FAM227B: variants seen among roughly 807,000 people sequenced by gnomAD.
FAM227B encodes family with sequence similarity 227 member B, also known as protein FAM227B.
FAM227B carries 88 observed loss-of-function variants against 73.8 expected under a neutral mutation model. The observed-to-expected ratio is 1.19, with a 90% CI of 1.00 to 1.42. The LOEUF is 1.42. Ranked by LOEUF, FAM227B falls within the 40% of genes most tolerant of loss-of-function variation. The probability of loss-of-function intolerance (pLI) is 0.00; values close to 1 mark genes in which losing one functional copy is unlikely to be tolerated. For synonymous variants in FAM227B, 210 were observed against 190.5 expected (o/e 1.10, Z -0.84); for missense variants, 632 against 590.9 (o/e 1.07, Z -0.72).
intron 11 of FAM227B, among the ~76,000 whole-genome samples, chr15:49,377,226 C>T (rs77408643): frequency 0.15 from 22,811 of 152,044 alleles, 2,210 homozygotes; most frequent in Non-Finnish European, 0.21. Context: ...GAATAGTACT[C>T]CATTGTGTAT....
intron 11 of FAM227B, among the ~76,000 whole-genome samples, chr15:49,416,380 G>C (rs537233972): frequency 6.6e-6 from 1 of 152,074 alleles, no homozygotes; most frequent in East Asian, 1.9e-4. Flanking sequence ...GAATGGGGTG[G>C]ACAGAAGAAA....
At chr15:49,518,554 G>A (rs2059547831) in intron 10 of FAM227B, among the ~76,000 whole-genome samples, 1 of 152,172 alleles carries the variant, frequency 6.6e-6, no homozygotes, top group African/African-American at 2.4e-5. Context: ...AGAAGGCAAA[G>A]GAGGAGCAAA....
chr15:49,335,170 G>T (rs1048205027), intron 14 of FAM227B, among the ~76,000 whole-genome samples: 1 of 152,090 alleles, frequency 6.6e-6, no homozygotes, highest in Non-Finnish European at 1.5e-5. Flanking sequence ...GCCTCTTCCT[G>T]TTGGGGTGCA....
At chr15:49,437,428 A>T (rs1034631110) in intron 11 of FAM227B, among the ~76,000 whole-genome samples, 2 of 151,606 alleles carry the variant, frequency 1.3e-5, no homozygotes, top group African/African-American at 2.4e-5. Context: ...TCCTTTTAGG[A>T]CTGCGCTCCA....
At chr15:49,392,479 G>A (rs932437623) in intron 11 of FAM227B, among the ~76,000 whole-genome samples, 2 of 152,138 alleles carry the variant, frequency 1.3e-5, no homozygotes, top group African/African-American at 2.4e-5. Flanking sequence ...AGATTTGCAT[G>A]GGTTCAAACA....
chr15:49,546,645 G>A (rs991672190), intron 9 of FAM227B, among the ~76,000 whole-genome samples: 5 of 152,112 alleles, frequency 3.3e-5, no homozygotes, highest in East Asian at 1.9e-4. Flanking sequence ...TTTAATGATC[G>A]CCATTCTAAC....
intron 3 of FAM227B, among the ~76,000 whole-genome samples, chr15:49,600,371 C>T (rs1263471460): frequency 1.3e-5 from 2 of 148,578 alleles, no homozygotes; most frequent in Non-Finnish European, 3.0e-5. Flanking sequence ...TTTTTAAATC[C>T]GGCCAGGCAT....
intron 3 of FAM227B, among the ~76,000 whole-genome samples, chr15:49,597,130 A>G (rs925716047): frequency 5.3e-5 from 8 of 152,064 alleles, no homozygotes; most frequent in Admixed American, 5.2e-4. Context: ...GACTTAACAG[A>G]TATTTACAGA....
At chr15:49,608,972 G>A (rs79558527) in intron 3 of FAM227B, among the ~76,000 whole-genome samples, 2,608 of 152,030 alleles carry the variant, frequency 0.017, 36 homozygotes, top group Middle Eastern at 0.037. Context: ...ACAGTAAAGA[G>A]AGATGAGACA....
chr15:49,448,399 C>A (rs2052415793), intron 11 of FAM227B, among the ~76,000 whole-genome samples: 1 of 151,318 alleles, frequency 6.6e-6, no homozygotes, highest in Non-Finnish European at 1.5e-5. Flanking sequence ...CTTTAACTAA[C>A]CACAATATAG....
intron 9 of FAM227B, among the ~76,000 whole-genome samples, chr15:49,543,936 C>T (rs1319228603): frequency 6.6e-6 from 1 of 152,018 alleles, no homozygotes; most frequent in African/African-American, 2.4e-5. Context: ...TAATGTGATG[C>T]CTCTAAATTT....
intron 11 of FAM227B, among the ~76,000 whole-genome samples, chr15:49,458,686 A>G (rs2053532848): frequency 6.6e-6 from 1 of 152,120 alleles, no homozygotes; most frequent in Non-Finnish European, 1.5e-5. Context: ...ACAAAACTCA[A>G]AATCAACTTC....
intron 11 of FAM227B, among the ~76,000 whole-genome samples, chr15:49,502,953 C>A (rs1347263006): frequency 1.3e-5 from 2 of 151,634 alleles, no homozygotes; most frequent in African/African-American, 2.4e-5. Context: ...GTGTGTGGCA[C>A]CCCGCATTGC....
intron 13 of FAM227B, among the ~76,000 whole-genome samples, chr15:49,337,535 T>TTA (rs1491063072): frequency 3.6e-5 from 5 of 139,530 alleles, no homozygotes; most frequent in African/African-American, 1.4e-4. Flanking sequence ...TTTTTTTTTT[T>TTA]AGTATTATAC....
rs148367588 is a variant in FAM227B, at chr15:49,541,056, A to G, written c.874+624T>C. On this transcript the variant is annotated intron_variant, in intron 10 of 15. Transcript: ENST00000299338. ...TTAGATTGAAATATTTACAAGAACT[A>G]TGTGAAAACAGTTAATAGCTTCTGG... Among the ~76,000 whole-genome samples the G allele has an allele frequency of 1.7e-3, 255 of 152,298 alleles. 5 individuals are homozygous for G. The East Asian group carries it at 0.045, about 27-fold the overall frequency.
intron 5 of FAM227B, among the ~76,000 whole-genome samples, chr15:49,578,083 T>C (rs1379772787): frequency 6.6e-6 from 1 of 152,202 alleles, no homozygotes; most frequent in Non-Finnish European, 1.5e-5. Context: ...AAATTAGTTA[T>C]GATGGAGGCC....
intron 13 of FAM227B, among the ~76,000 whole-genome samples, chr15:49,356,008 A>G (rs2151350535): frequency 6.6e-6 from 1 of 152,082 alleles, no homozygotes; most frequent in East Asian, 1.9e-4. Context: ...TAAGTGAAGG[A>G]GAAATAAAAT....
At chr15:49,471,401 T>A (rs2054737452) in intron 11 of FAM227B, among the ~76,000 whole-genome samples, 1 of 151,500 alleles carries the variant, frequency 6.6e-6, no homozygotes, top group Non-Finnish European at 1.5e-5. Context: ...GAGAATTGCT[T>A]GAACCTGAGA....
intron 11 of FAM227B, among the ~76,000 whole-genome samples, chr15:49,376,813 C>G (rs190686351): frequency 6.6e-6 from 1 of 151,996 alleles, no homozygotes; most frequent in Non-Finnish European, 1.5e-5. Flanking sequence ...AGTGGATAAG[C>G]CTTATCTTAT....
Sources: gnomAD v4.1 joint callset for allele counts (sites outside exome capture counted in the v4.1 genomes callset) on GRCh38, gnomAD v4.1.1 for gene constraint, MANE v1.5 for transcripts, NCBI Gene and HGNC (gene_info 2026-07-23, HGNC 2026-07-21) for gene names.